RANBP3L: variants seen among roughly 807,000 people sequenced by gnomAD.
RANBP3L encodes ran-binding protein 3-like.
RANBP3L carries 56 observed loss-of-function variants against 67.2 expected under a neutral mutation model. The ratio of observed to expected loss-of-function variants is 0.83; its 90% CI spans 0.67 to 1.04. RANBP3L has a LOEUF of 1.04. Among genes scored for constraint, RANBP3L ranks in the 50% least tolerant of loss-of-function variants. The probability of loss-of-function intolerance (pLI) is 0.00; values close to 1 mark genes in which losing one functional copy is unlikely to be tolerated. For missense variants in RANBP3L, 496 were observed against 535.5 expected (o/e 0.93, Z 0.73); for synonymous variants, 164 against 181.4 (o/e 0.90, Z 0.77).
At chr5:36,279,517 T>C (rs958602494) in intron 1 of RANBP3L, among the ~76,000 whole-genome samples, 2 of 152,148 alleles carry the variant, frequency 1.3e-5, no homozygotes, top group African/African-American at 4.8e-5. Context: ...TAACGAGGCC[T>C]CTGGGGAAAA....
chr5:36,277,561 G>T lies in RANBP3L; in HGVS notation c.92-6250C>A, dbSNP rs532642413. On this transcript the variant is annotated intron_variant, in intron 1 of 13. Transcript: ENST00000296604. The stretch of plus-strand genomic sequence containing the variant: ...TCTTCTAACCTTTTGAAACAAAGCA[G>T]AATATCTATCTGTATCTGTCTATTC... Among the ~76,000 whole-genome samples the T allele has an allele frequency of 3.3e-5, 5 of 151,566 alleles. No individual in the cohort carries two copies. In the South Asian group the frequency reaches 1.0e-3, roughly 32 times the overall value.
intron 2 of RANBP3L, 114 bp downstream of exon 2, chr5:36,271,139 T>G: frequency 1.4e-6 from 1 of 689,846 alleles, no homozygotes; most frequent in Non-Finnish European, 2.6e-6. Context: ...ACTACTCTGC[T>G]AGTAAAGAAC....
At chr5:36,279,153 C>T (rs1750802329) in intron 1 of RANBP3L, among the ~76,000 whole-genome samples, 1 of 152,120 alleles carries the variant, frequency 6.6e-6, no homozygotes, top group Non-Finnish European at 1.5e-5. Context: ...AAGTCAGAAT[C>T]ACGATCTTGA....
intron 1 of RANBP3L, among the ~76,000 whole-genome samples, chr5:36,279,199 T>C (rs916991664): frequency 6.6e-6 from 1 of 152,018 alleles, no homozygotes; most frequent in African/African-American, 2.4e-5. Context: ...ACCCAACCTA[T>C]GTTGAAGTAT....
chr5:36,301,510 A>G lies in RANBP3L; in HGVS notation c.-94T>C, dbSNP rs1296609970. Reference sequence around the variant, plus strand: ...TGGCCTTCACCAGACACCCAGAAATACATAGATTCATGCAGATCTTGTCTT... The same window carrying G: ...TGGCCTTCACCAGACACCCAGAAATGCATAGATTCATGCAGATCTTGTCTT... On this transcript the variant is annotated 5_prime_UTR_variant, in exon 1 of 14. Transcript: ENST00000296604. The G allele has an allele frequency of 3.6e-6, 3 of 827,898 alleles. No homozygotes were observed. Among genetic ancestry groups the G allele is most frequent in the Non-Finnish European group, 6.2e-6 (3 of 484,268 alleles). 51.3% of individuals were successfully genotyped at this position (827,898 alleles called of 1,614,324 possible). A position where few individuals can be genotyped will look rare whatever the true frequency, so the allele number is the denominator to read the frequency against.
intron 7 of RANBP3L, 70 bp from the exon 8 acceptor site, chr5:36,260,934 CAG>C (rs1250716703): frequency 3.9e-5 from 26 of 664,234 alleles, no homozygotes; most frequent in African/African-American, 3.9e-4. Flanking sequence ...TTGAAATAAT[CAG>C]ATAATTTAAT....
At chr5:36,270,113 A>G in intron 2 of RANBP3L, 123 bp from the exon 3 acceptor site, 2 of 799,220 alleles carry the variant, frequency 2.5e-6, no homozygotes, top group African/African-American at 1.7e-5. Flanking sequence ...TTTTGCACCA[A>G]CCTAGTACAT....
At position 36,264,952 on chromosome 5, in the gene RANBP3L, T is replaced by G. The variant is rs1347551732; in HGVS notation, c.480+7A>C. On this transcript the variant is annotated splice_region_variant and intron_variant, in intron 6 of 13. Transcript: ENST00000296604. ...GAGGTCAGTTCCGTTATCCTGGGCT[T>G]TCTCACCTTATTATTTGTTTTTTCT... 1 of 1,610,310 alleles carries G rather than the reference T, an allele frequency of 6.2e-7. No individual in the cohort carries two copies.
At chr5:36,260,166 A>G (rs1212201397) in intron 8 of RANBP3L, among the ~76,000 whole-genome samples, 1 of 150,706 alleles carries the variant, frequency 6.6e-6, no homozygotes, top group African/African-American at 2.4e-5. Context: ...ATCCTGGCTA[A>G]GACAGTGAAA....
At chr5:36,275,404 T>G (rs1246687786) in intron 1 of RANBP3L, among the ~76,000 whole-genome samples, 1 of 152,170 alleles carries the variant, frequency 6.6e-6, no homozygotes, top group Non-Finnish European at 1.5e-5. Flanking sequence ...TGATTTAACT[T>G]CAATGCATCA....
chr5:36,296,402 A>G (rs1752217913), intron 1 of RANBP3L, among the ~76,000 whole-genome samples: 1 of 152,202 alleles, frequency 6.6e-6, no homozygotes, highest in Non-Finnish European at 1.5e-5. Context: ...CACTCAGAGA[A>G]TAAGTGTCAG....
Position 36,249,394 on chromosome 5 carries a change from A to G in RANBP3L, c.*260T>C, listed in dbSNP as rs1748446399. On this transcript the variant is annotated 3_prime_UTR_variant, in exon 14 of 14. Transcript: ENST00000296604. ...GAGTCCAAATTAGTTATAAAATCCT[A>G]TTCTAAATAAACTTCTTCAAAAATG... 2 of 250,428 alleles carry G rather than the reference A, an allele frequency of 8.0e-6. No homozygotes were observed. Among genetic ancestry groups the G allele is most frequent in the South Asian group, 1.4e-4 (1 of 7,176 alleles). The allele number at this position is 250,428 out of a possible 1,614,324, so 15.5% of individuals were successfully genotyped here.
intron 1 of RANBP3L, among the ~76,000 whole-genome samples, chr5:36,273,987 A>G (rs1354017331): frequency 6.6e-6 from 1 of 152,144 alleles, no homozygotes; most frequent in African/African-American, 2.4e-5. Flanking sequence ...CAACTCTTCA[A>G]ATAGAGGAAA....
intron 3 of RANBP3L, 43 bp from the exon 4 acceptor site, chr5:36,269,510 T>A (rs751948165): frequency 8.8e-7 from 1 of 1,136,584 alleles, no homozygotes; most frequent in Non-Finnish European, 1.3e-6. Flanking sequence ...CTTGTGATAA[T>A]AAATTATCCT....
At chr5:36,250,257 A>AT (rs994844466) in intron 13 of RANBP3L, among the ~76,000 whole-genome samples, 4 of 151,908 alleles carry the variant, frequency 2.6e-5, no homozygotes, top group Non-Finnish European at 5.9e-5. Context: ...AAAATAAAAG[A>AT]TTTTTTTATT....
chr5:36,291,040 G>A (rs1481733377), intron 1 of RANBP3L, among the ~76,000 whole-genome samples: 1 of 151,718 alleles, frequency 6.6e-6, no homozygotes, highest in Non-Finnish European at 1.5e-5. Flanking sequence ...CACCATGCCT[G>A]GCCCGGCTTT....
chr5:36,253,505 T>A (rs1579670437), intron 12 of RANBP3L, 142 bp downstream of exon 12: 1 of 606,538 alleles, frequency 1.6e-6, no homozygotes, highest in Non-Finnish European at 2.8e-6. Context: ...AATTTATGTC[T>A]TATGCTATAA....
At chr5:36,289,418 C>G (rs1170036660) in intron 1 of RANBP3L, among the ~76,000 whole-genome samples, 3 of 152,046 alleles carry the variant, frequency 2.0e-5, no homozygotes, top group African/African-American at 4.8e-5. Flanking sequence ...ATCAGTTTGT[C>G]AATTTCAAAA....
intron 1 of RANBP3L, among the ~76,000 whole-genome samples, chr5:36,291,554 C>G (rs1396141652): frequency 6.6e-6 from 1 of 152,016 alleles, no homozygotes; most frequent in African/African-American, 2.4e-5. Context: ...CCCCTCTGCC[C>G]CCACCCCACA....
Sources: gnomAD v4.1 joint callset for allele counts (sites outside exome capture counted in the v4.1 genomes callset) on GRCh38, gnomAD v4.1.1 for gene constraint, MANE v1.5 for transcripts, NCBI Gene and HGNC (gene_info 2026-07-23, HGNC 2026-07-21) for gene names.